RBFOX1: variants seen among roughly 807,000 people sequenced by gnomAD.
RBFOX1 encodes the protein RNA binding fox-1 homolog 1.
Under a neutral mutation model 57.7 loss-of-function variants are expected in RBFOX1, and 8 were observed. The observed-to-expected ratio is 0.14, with a 90% CI of 0.08 to 0.25. The LOEUF (loss-of-function observed/expected upper bound fraction) is 0.25. Ranked by LOEUF, RBFOX1 falls within the 10% of genes least tolerant of loss-of-function variation. The probability of loss-of-function intolerance (pLI) is 1.00; values close to 1 mark genes in which losing one functional copy is unlikely to be tolerated. For missense variants in RBFOX1, 611 were observed against 548.5 expected, an observed-to-expected ratio of 1.11 and a Z score of -1.14; for synonymous variants, 326 against 222.4, an observed-to-expected ratio of 1.47 and a Z score of -4.15.
At chr16:6,800,099 G>C (rs1335053939) in intron 3 of RBFOX1, among the ~76,000 whole-genome samples, 2 of 152,062 alleles carry the variant, frequency 1.3e-5, no homozygotes, top group Admixed American at 1.3e-4. Flanking sequence ...GTGCTGGTAG[G>C]ATTGTCTTAT....
At position 5,723,914 on chromosome 16, in the gene RBFOX1, A is replaced by G. The variant is rs117849432; in HGVS notation, c.318+124953A>G. On this transcript the variant is annotated intron_variant, in intron 3 of 19. Coordinates refer to the RBFOX1 transcript ENST00000641259. The stretch of plus-strand genomic sequence containing the variant: ...GCATCTCTTTAAAGAGCTCAAGTCA[A>G]GAAGATGTTTCACATTTTTCCATTT... Among the ~76,000 whole-genome samples, 8 of 152,360 alleles carry G rather than the reference A, an allele frequency of 5.3e-5. No homozygotes were observed. The East Asian group carries it at 5.8e-4, about 11-fold the overall frequency.
intron 3 of RBFOX1, among the ~76,000 whole-genome samples, chr16:6,852,406 T>G (rs996775845): frequency 6.6e-5 from 10 of 152,328 alleles, no homozygotes; most frequent in East Asian, 1.9e-4. Flanking sequence ...GGAAACTATT[T>G]CCTTACAAAG....
At chr16:6,655,241 GCA>G (rs1274389471) in intron 3 of RBFOX1, among the ~76,000 whole-genome samples, 3 of 151,064 alleles carry the variant, frequency 2.0e-5, no homozygotes, top group Non-Finnish European at 3.0e-5. Flanking sequence ...GGGTGTGGTG[GCA>G]CATGCCTGTA....
intron 14 of RBFOX1, among the ~76,000 whole-genome samples, chr16:7,694,455 A>G (rs2078164399): frequency 1.3e-5 from 2 of 152,242 alleles, no homozygotes; most frequent in African/African-American, 4.8e-5. Flanking sequence ...AGGCAGGGTC[A>G]GTTTTATTTA....
intron 4 of RBFOX1, among the ~76,000 whole-genome samples, chr16:7,192,800 C>G (rs1165165175): frequency 1.3e-5 from 2 of 152,098 alleles, no homozygotes; most frequent in Non-Finnish European, 2.9e-5. Flanking sequence ...AAAATAAATA[C>G]AACATTTTTA....
rs150821372 is a variant in RBFOX1 at position 5,629,608 on chromosome 16, A to C, written c.318+30647A>C. ...TTAGGACCAATGCCTTCTGGTTTCC[A>C]CAAGAGATCTTGTCCGTGGTGCCTG... On this transcript the variant is annotated intron_variant, in intron 3 of 19. Transcript: ENST00000641259. Among the ~76,000 whole-genome samples the C allele has an allele frequency of 3.7e-4, 56 of 152,300 alleles. No individual in the cohort carries two copies. The East Asian group carries it at 5.6e-3, about 15-fold the overall frequency.
chr16:5,957,534 AATTGTTAT>A (rs1369908325), intron 4 of RBFOX1, among the ~76,000 whole-genome samples: 1 of 152,048 alleles, frequency 6.6e-6, no homozygotes, highest in African/African-American at 2.4e-5. Flanking sequence ...CATAATTTCT[AATTGTTAT>A]ATCAGGAGGT....
chr16:7,426,489 G>A (rs2098614481), intron 4 of RBFOX1, among the ~76,000 whole-genome samples: 1 of 152,152 alleles, frequency 6.6e-6, no homozygotes, highest in Non-Finnish European at 1.5e-5. Context: ...GTGAGTTCCT[G>A]AGCAGCATGG....
chr16:6,469,167 G>A (rs1160893977), intron 2 of RBFOX1, among the ~76,000 whole-genome samples: 1 of 152,068 alleles, frequency 6.6e-6, no homozygotes, highest in Non-Finnish European at 1.5e-5. Flanking sequence ...AGAGATCCTG[G>A]TAGAAAAGAA....
chr16:5,311,444 G>C (rs367933524), intron 1 of RBFOX1, among the ~76,000 whole-genome samples: 1 of 152,144 alleles, frequency 6.6e-6, no homozygotes, highest in African/African-American at 2.4e-5. Flanking sequence ...TTGAGTGATA[G>C]ATCTACATTT....
In RBFOX1 at chr16:7,674,719, G is replaced by A. The variant is rs115795932; in HGVS notation, c.931-2055G>A. 4.5e-3 allele frequency among the ~76,000 whole-genome samples: 689 copies of A among 152,274 alleles called. 4 individuals are homozygous for A. Among genetic ancestry groups the A allele is most frequent in the African/African-American group, 0.015 (643 of 41,554 alleles). ...TAGATGACCACATTTGCTGTGCAGC[G>A]GAATCCCAGGTGTACACACCTGCAT... On this transcript the variant is annotated intron_variant, in intron 13 of 15. Coordinates refer to ENST00000550418, the MANE Select transcript of RBFOX1 (RefSeq NM_018723.4).
chr16:6,813,179 A>G lies in RBFOX1; in HGVS notation c.-16+158529A>G, dbSNP rs184787061. Among the ~76,000 whole-genome samples, 16 of 152,054 alleles carry G rather than the reference A, an allele frequency of 1.1e-4. No homozygotes were observed. In the East Asian group the frequency reaches 1.4e-3, roughly 13 times the overall value. On this transcript the variant is annotated intron_variant, in intron 3 of 15. Coordinates refer to ENST00000550418, the MANE Select transcript of RBFOX1 (RefSeq NM_018723.4). ...AAATATCAGGCCACAATGACTTCCT[A>G]TAACAAAATTGTGATTATAGCAAGG...
chr16:7,177,746 G>C (rs2081963256), intron 4 of RBFOX1, among the ~76,000 whole-genome samples: 1 of 152,150 alleles, frequency 6.6e-6, no homozygotes, highest in Non-Finnish European at 1.5e-5. Flanking sequence ...AGATTTTGCA[G>C]GTCTTTTGGT....
chr16:6,844,132 C>G (rs76617184), intron 3 of RBFOX1, among the ~76,000 whole-genome samples: 60 of 10,748 alleles, frequency 5.6e-3, no homozygotes, highest in Non-Finnish European at 7.6e-3. Flanking sequence ...TGGCTTTTCT[C>G]TCTCTCCATC....
At chr16:6,136,942 A>G (rs1287787674) in intron 1 of RBFOX1, among the ~76,000 whole-genome samples, 1 of 152,190 alleles carries the variant, frequency 6.6e-6, no homozygotes, top group Non-Finnish European at 1.5e-5. Flanking sequence ...CAAGCAGTGG[A>G]GGATAACGAA....
At chr16:6,931,719 C>G (rs368251666) in intron 3 of RBFOX1, among the ~76,000 whole-genome samples, 14 of 152,306 alleles carry the variant, frequency 9.2e-5, no homozygotes, top group African/African-American at 3.4e-4. Context: ...GGGTCTAACC[C>G]TCCCTGTTGC....
intron 3 of RBFOX1, among the ~76,000 whole-genome samples, chr16:5,727,779 C>T (rs9932665): frequency 0.41 from 62,996 of 151,974 alleles, 15,677 homozygotes; most frequent in East Asian, 0.8. Context: ...CCTCAAACTT[C>T]TGGATTCACG....
At chr16:6,080,535 C>G (rs752875285) in intron 1 of RBFOX1, among the ~76,000 whole-genome samples, 11 of 152,068 alleles carry the variant, frequency 7.2e-5, no homozygotes, top group African/African-American at 2.7e-4. Context: ...AAGAAACTTA[C>G]AATGAATGCA....
intron 3 of RBFOX1, among the ~76,000 whole-genome samples, chr16:7,005,838 G>A (rs192655470): frequency 6.6e-6 from 1 of 152,118 alleles, no homozygotes; most frequent in Non-Finnish European, 1.5e-5. Flanking sequence ...CTTCTTCACC[G>A]ACTACAGCTT....
Sources: gnomAD v4.1 joint callset for allele counts (sites outside exome capture counted in the v4.1 genomes callset) on GRCh38, gnomAD v4.1.1 for gene constraint, MANE v1.5 for transcripts, NCBI Gene and HGNC (gene_info 2026-07-23, HGNC 2026-07-21) for gene names.